Variants in DSG4 observed in about 807,000 individuals in gnomAD.
The protein encoded by DSG4 is desmoglein-4.
In DSG4, 87 loss-of-function variants were observed where a neutral mutation model predicts 93.1. The ratio of observed to expected loss-of-function variants is 0.93; its 90% confidence interval spans 0.79 to 1.12. The LOEUF is 1.12. Among genes scored for constraint, DSG4 ranks in the 50% most tolerant of loss-of-function variants. The pLI is 0.00. For synonymous variants in DSG4, 432 were observed against 452.9 expected (o/e 0.95, Z 0.59); for missense variants, 1,373 against 1,285.7 (o/e 1.07, Z -1.04).
Position 31,413,685 on chromosome 18 carries a change from A to T in DSG4, c.*90A>T. 1.4e-6 allele frequency: 2 copies of T among 1,450,222 alleles called. No homozygotes were observed. Among genetic ancestry groups the T allele is most frequent in the Non-Finnish European group, 1.9e-6 (2 of 1,051,736 alleles). The allele number at this position is 1,450,222 out of a possible 1,614,324, so 89.8% of individuals were successfully genotyped here. A position where few individuals can be genotyped will look rare whatever the true frequency, so the allele number is the denominator to read the frequency against. ...AAATATATAATGTACCATATATATT[A>T]ATAGTCAACAAATACTCAGATATTC... is the stretch of plus-strand genomic sequence containing the variant. On this transcript the variant is annotated 3_prime_UTR_variant, in exon 16 of 16. Coordinates refer to ENST00000308128, the MANE Select transcript of DSG4 (RefSeq NM_177986.5).
chr18:31,404,214 G>T (rs2072400478), intron 11 of DSG4, among the ~76,000 whole-genome samples: 1 of 152,072 alleles, frequency 6.6e-6, no homozygotes, highest in Non-Finnish European at 1.5e-5. Flanking sequence ...TTAATATACA[G>T]CCATTAAAAT....
intron 3 of DSG4, 49 bp downstream of exon 3, chr18:31,386,868 G>A (rs1568062246): frequency 3.1e-6 from 5 of 1,610,432 alleles, no homozygotes; most frequent in Admixed American, 1.7e-5. Context: ...GAGCAGGGAA[G>A]CTTTCAAATA....
rs748253642 is a variant in DSG4 at position 31,413,205 on chromosome 18, C to T, written c.2733C>T (p.Tyr911=). 61 of 1,614,038 alleles carry T rather than the reference C, an allele frequency of 3.8e-5. No homozygotes were observed. The African/African-American group carries it at 5.2e-4, about 14-fold the overall frequency. ...GGGATATTATTGTGACTGAGACTTA[C>T]GGTAATGCTGATCCATGTGTGCAAC... The part of the protein sequence containing the change: ...VHGDIIVTET[Y]GNADPCVQPT... The change falls in exon 16 of 16, where the codon TAC becomes TAT. Residue 911 remains tyrosine, a synonymous_variant. Coordinates refer to ENST00000308128, the MANE Select transcript of DSG4 (RefSeq NM_177986.5).
In DSG4 at chr18:31,412,991, T is replaced by C. The variant is rs746008339; in HGVS notation, c.2519T>C (p.Phe840Ser). Reference protein sequence around the residue: ...ESCMETLDPKFRTLAEICLNT... With the variant: ...ESCMETLDPKSRTLAEICLNT... ...TGCATGGAAACTTTAGATCCAAAAT[T>C]TAGGACTCTTGCTGAGATCTGCTTA... The change falls in exon 16 of 16, where the codon TTT (phenylalanine) becomes TCT (serine). Residue 840 changes from phenylalanine (F) to serine (S), a missense_variant. Coordinates refer to ENST00000308128, the MANE Select transcript of DSG4 (RefSeq NM_177986.5). The C allele has an allele frequency of 6.2e-7, 1 of 1,614,156 alleles. No individual in the cohort carries two copies. Among genetic ancestry groups the C allele is most frequent in the Non-Finnish European group, 8.5e-7 (1 of 1,180,036 alleles).
At chr18:31,402,707 C>A (rs1237874213) in intron 10 of DSG4, among the ~76,000 whole-genome samples, 1 of 151,646 alleles carries the variant, frequency 6.6e-6, no homozygotes, top group East Asian at 1.9e-4. Flanking sequence ...TAAAAAGAAG[C>A]AAAAAAAATT....
At chr18:31,410,835 A>C (rs2072479156) in intron 14 of DSG4, among the ~76,000 whole-genome samples, 1 of 152,160 alleles carries the variant, frequency 6.6e-6, no homozygotes, top group African/African-American at 2.4e-5. Flanking sequence ...CCTGTTCCGG[A>C]GTGAAGGAGG....
chr18:31,397,502 A>T (rs2072318444), intron 8 of DSG4, among the ~76,000 whole-genome samples: 1 of 152,138 alleles, frequency 6.6e-6, no homozygotes, highest in Non-Finnish European at 1.5e-5. Flanking sequence ...GAATGAGTAA[A>T]CAATTTTATG....
chr18:31,410,986 C>T, intron 14 of DSG4: 1 of 1,133,328 alleles, frequency 8.8e-7, no homozygotes, highest in Non-Finnish European at 1.2e-6. Context: ...AAGTCTAGGG[C>T]GAAGTCTGTG....
At position 31,383,071 on chromosome 18, in the gene DSG4, C is replaced by T. The variant is rs142316104; in HGVS notation, c.49-2065C>T. ...AATGATTGGCTAGTACTTTTAGATG[C>T]CACGGGGCACTATGAATGCGCCCTT... On this transcript the variant is annotated intron_variant, in intron 1 of 15. Coordinates refer to ENST00000308128, the MANE Select transcript of DSG4 (RefSeq NM_177986.5). Among the ~76,000 whole-genome samples, 35 of 152,298 alleles carry T rather than the reference C, an allele frequency of 2.3e-4. 1 individual carries two copies. In the South Asian group the frequency reaches 5.6e-3, roughly 24 times the overall value.
chr18:31,403,588 T>G lies in DSG4; in HGVS notation c.1590T>G (p.Asp530Glu). Residue 530 changes from aspartate (D) to glutamate (E), a missense_variant, in exon 11 of 16, where the codon GAT becomes GAG. Asp to Glu is a conservative substitution (Grantham distance 45, BLOSUM62 2). Coordinates refer to ENST00000308128, the MANE Select transcript of DSG4 (RefSeq NM_177986.5). Reference protein sequence around the residue: ...YGSPFTFCVVDEPPGIADMWD... With the variant: ...YGSPFTFCVVEEPPGIADMWD... ...CTCCGTTTACTTTCTGTGTTGTTGATGAGCCACCAGGAATAGCTGACATGT... is the reference window on the plus strand; with the variant it reads ...CTCCGTTTACTTTCTGTGTTGTTGAGGAGCCACCAGGAATAGCTGACATGT... 1 of 1,614,066 alleles carries G rather than the reference T, an allele frequency of 6.2e-7. No individual in the cohort carries two copies. The highest frequency in any genetic ancestry group is 8.5e-7 in the Non-Finnish European group (1 of 1,179,942).
intron 12 of DSG4, 110 bp downstream of exon 12, chr18:31,406,483 C>T: frequency 1.5e-6 from 2 of 1,330,388 alleles, no homozygotes; most frequent in Admixed American, 1.8e-5. Flanking sequence ...GTATCTCTAG[C>T]AATTTTTGAG....
intron 12 of DSG4, 84 bp downstream of exon 12, chr18:31,406,457 G>A (rs2072428766): frequency 6.4e-7 from 1 of 1,556,986 alleles, no homozygotes; most frequent in Non-Finnish European, 8.8e-7. Context: ...TAGGTTCATG[G>A]AGCCATTTCT....
chr18:31,411,636 C>T (rs932703565), intron 15 of DSG4, among the ~76,000 whole-genome samples, 188 bp downstream of exon 15: 5 of 152,156 alleles, frequency 3.3e-5, no homozygotes, highest in Non-Finnish European at 7.3e-5. Flanking sequence ...ATTTCATATT[C>T]AACTGCCATA....
chr18:31,379,233 G>A (rs1034524679), intron 1 of DSG4, among the ~76,000 whole-genome samples: 10 of 152,172 alleles, frequency 6.6e-5, no homozygotes, highest in Non-Finnish European at 1.3e-4. Context: ...CTTCAAAGTG[G>A]CTGTGTAACT....
At chr18:31,382,932 A>T (rs2072151072) in intron 1 of DSG4, among the ~76,000 whole-genome samples, 1 of 152,216 alleles carries the variant, frequency 6.6e-6, no homozygotes, top group South Asian at 2.1e-4. Flanking sequence ...GAGTTACTTC[A>T]GTTGAGCTGG....
chr18:31,405,058 T>C (rs1489416574), intron 11 of DSG4, among the ~76,000 whole-genome samples: 1 of 152,206 alleles, frequency 6.6e-6, no homozygotes, highest in African/African-American at 2.4e-5. Flanking sequence ...ATTTTTACCT[T>C]GTGCACAGGT....
At position 31,406,074 on chromosome 18, in the gene DSG4, C is replaced by T; in HGVS notation, c.1637-3C>T. ...ATTTTCTGTTTCCTCTCTTCCATTTCAGCTACCTCGGCAATCCTTACGGCT... is the reference window on the plus strand; with the variant it reads ...ATTTTCTGTTTCCTCTCTTCCATTTTAGCTACCTCGGCAATCCTTACGGCT... On this transcript the variant is annotated splice_region_variant and splice_polypyrimidine_tract_variant and intron_variant, in intron 11 of 15. Transcript: ENST00000308128. 16 of 1,613,984 alleles carry T rather than the reference C, an allele frequency of 9.9e-6. No homozygotes were observed. The highest frequency in any genetic ancestry group is 1.3e-5 in the Non-Finnish European group (15 of 1,180,020).
chr18:31,399,291 C>G lies in DSG4; in HGVS notation c.1025C>G (p.Ala342Gly), dbSNP rs112376128. ...TTTCAGATGCTGGATTATGAACAAGCACCTAACATTCAGCTTAGTATCGGA... is the reference window on the plus strand; with the variant it reads ...TTTCAGATGCTGGATTATGAACAAGGACCTAACATTCAGCTTAGTATCGGA... Reference protein sequence around the residue: ...KVVKMLDYEQAPNIQLSIGVK... With the variant: ...KVVKMLDYEQGPNIQLSIGVK... The change falls in exon 9 of 16, where the codon GCA becomes GGA. Residue 342 changes from alanine to glycine, a missense_variant. Physicochemically the swap from Ala to Gly is moderately conservative, Grantham distance 60. Transcript: ENST00000308128. 3.1e-6 allele frequency: 5 copies of G among 1,613,856 alleles called. No individual in the cohort carries two copies. The African/African-American group carries it at 5.3e-5, about 17-fold the overall frequency.
chr18:31,403,653 T>G lies in DSG4; in HGVS notation c.1636+19T>G. On this transcript the variant is annotated intron_variant, in intron 11 of 15. Coordinates refer to ENST00000308128, the MANE Select transcript of DSG4 (RefSeq NM_177986.5). ...ACAAATGGTAAGTGAAACGTAAGCT[T>G]GTTTTTTGGACTTTAAGTCCAAAAG... 6.2e-7 allele frequency: 1 copy of G among 1,613,040 alleles called. No homozygotes were observed. The highest frequency in any genetic ancestry group is 8.5e-7 in the Non-Finnish European group (1 of 1,179,150).
Sources: allele counts gnomAD v4.1 joint callset (sites outside exome capture counted in the v4.1 genomes callset), GRCh38; gene constraint gnomAD v4.1.1; transcripts MANE v1.5; gene names NCBI Gene and HGNC (gene_info 2026-07-23, HGNC 2026-07-21).